Variants in SEMA3E observed in about 807,000 individuals in gnomAD.
The protein encoded by SEMA3E is semaphorin-3E.
A neutral mutation model predicts 93.6 loss-of-function variants in SEMA3E; 49 were observed. The observed-to-expected ratio is 0.52, with a 90% CI of 0.42 to 0.66. SEMA3E has a LOEUF of 0.66. Ranked by LOEUF, SEMA3E falls within the 30% of genes least tolerant of loss-of-function variation. SEMA3E has a pLI of 0.00. For missense variants in SEMA3E, 906 were observed against 964.8 expected (o/e 0.94, Z 0.81); for synonymous variants, 363 against 330.7 (o/e 1.10, Z -1.06).
intron 4 of SEMA3E, among the ~76,000 whole-genome samples, chr7:83,443,710 G>C (rs887259063): frequency 6.6e-6 from 1 of 151,886 alleles, no homozygotes; most frequent in African/African-American, 2.4e-5. Context: ...TTTCAATATT[G>C]ATTTTAAAAA....
At position 83,405,448 on chromosome 7, in the gene SEMA3E, A is replaced by T; in HGVS notation, c.998+2T>A. 1 of 1,607,954 alleles carries T rather than the reference A, an allele frequency of 6.2e-7. No homozygotes were observed. The highest frequency in any genetic ancestry group is 1.1e-5 in the South Asian group (1 of 90,938). On this transcript the variant is annotated splice_donor_variant, in intron 9 of 16. Coordinates refer to ENST00000643230, the MANE Select transcript of SEMA3E (RefSeq NM_012431.3). LOFTEE classifies it high-confidence loss of function. The stretch of plus-strand genomic sequence containing the variant: ...TTTTTATTGACTGTATAAATTTCTC[A>T]CCTGGTAGTGTTAAAGAGTCCAAAT...
At chr7:83,512,773 C>A (rs1172186488) in intron 1 of SEMA3E, among the ~76,000 whole-genome samples, 1 of 152,022 alleles carries the variant, frequency 6.6e-6, no homozygotes, top group Non-Finnish European at 1.5e-5. Context: ...TTGTGCCTGT[C>A]TTAATTTTGA....
At chr7:83,392,234 C>T (rs1183633329) in intron 14 of SEMA3E, among the ~76,000 whole-genome samples, 1 of 152,118 alleles carries the variant, frequency 6.6e-6, no homozygotes. Context: ...GGACATGGGG[C>T]AAATGCAGGA....
At chr7:83,415,795 G>T (rs1788527790) in intron 5 of SEMA3E, among the ~76,000 whole-genome samples, 1 of 151,862 alleles carries the variant, frequency 6.6e-6, no homozygotes, top group Admixed American at 6.6e-5. Context: ...CATTAAATTT[G>T]TCTTCATGTG....
chr7:83,447,709 G>T lies in SEMA3E; in HGVS notation c.456+18773C>A, dbSNP rs545957445. Among the ~76,000 whole-genome samples, 8 of 152,352 alleles carry T rather than the reference G, an allele frequency of 5.3e-5. No individual in the cohort carries two copies. The East Asian group carries it at 1.3e-3, about 26-fold the overall frequency. On this transcript the variant is annotated intron_variant, in intron 4 of 16. Transcript: ENST00000643230. ...AACATTGGAGGCATATCTCTCCAGT[G>T]ACATTACAGATACAGTTAGAATGGA...
At chr7:83,442,601 T>TC (rs1339968825) in intron 4 of SEMA3E, among the ~76,000 whole-genome samples, 1 of 152,190 alleles carries the variant, frequency 6.6e-6, no homozygotes, top group Admixed American at 6.5e-5. Flanking sequence ...TTTTCTCTTT[T>TC]CTTTTTTCTA....
chr7:83,459,878 A>G (rs954920054), intron 4 of SEMA3E, among the ~76,000 whole-genome samples: 1 of 152,102 alleles, frequency 6.6e-6, no homozygotes, highest in African/African-American at 2.4e-5. Context: ...CTCCTGGCTC[A>G]TCCTGGCTCA....
chr7:83,605,056 T>C (rs1036657761), intron 1 of SEMA3E, among the ~76,000 whole-genome samples: 1 of 152,054 alleles, frequency 6.6e-6, no homozygotes, highest in African/African-American at 2.4e-5. Context: ...GTTGATTCCA[T>C]GTCTTTGCTC....
At chr7:83,453,786 C>G (rs1463855586) in intron 4 of SEMA3E, among the ~76,000 whole-genome samples, 1 of 151,950 alleles carries the variant, frequency 6.6e-6, no homozygotes, top group African/African-American at 2.4e-5. Flanking sequence ...AAATTATAAT[C>G]TGGACATTTT....
At chr7:83,389,600 T>C (rs565486695) in intron 14 of SEMA3E, among the ~76,000 whole-genome samples, 1 of 143,648 alleles carries the variant, frequency 7.0e-6, no homozygotes, top group African/African-American at 2.5e-5. Flanking sequence ...TACACACATA[T>C]ATACACGTAT....
At chr7:83,369,140 A>G (rs1404267724) in intron 16 of SEMA3E, among the ~76,000 whole-genome samples, 1 of 152,238 alleles carries the variant, frequency 6.6e-6, no homozygotes, top group Non-Finnish European at 1.5e-5. Flanking sequence ...GGTGGTTCAC[A>G]GTATGCTGAC....
At chr7:83,551,821 T>C (rs1219390954) in intron 1 of SEMA3E, among the ~76,000 whole-genome samples, 4 of 152,126 alleles carry the variant, frequency 2.6e-5, no homozygotes, top group Non-Finnish European at 5.9e-5. Flanking sequence ...TTGCAGGACA[T>C]GTAGCAGCAT....
intron 1 of SEMA3E, among the ~76,000 whole-genome samples, chr7:83,511,286 T>G (rs995157215): frequency 4.7e-5 from 1 of 21,258 alleles, no homozygotes; most frequent in African/African-American, 1.3e-4. Flanking sequence ...CTTAAATATG[T>G]TTTTTTTTTT....
intron 1 of SEMA3E, among the ~76,000 whole-genome samples, chr7:83,587,658 G>A (rs1361363360): frequency 6.6e-6 from 1 of 151,848 alleles, no homozygotes; most frequent in Non-Finnish European, 1.5e-5. Context: ...AAAAAGTTGT[G>A]GATATATGGT....
chr7:83,450,815 C>T (rs1239364375), intron 4 of SEMA3E, among the ~76,000 whole-genome samples: 1 of 151,906 alleles, frequency 6.6e-6, no homozygotes, highest in Non-Finnish European at 1.5e-5. Context: ...GTTTTAAAGA[C>T]CAGAAAAGTA....
chr7:83,616,948 C>A (rs887779013), intron 1 of SEMA3E, among the ~76,000 whole-genome samples: 3 of 152,162 alleles, frequency 2.0e-5, no homozygotes, highest in Admixed American at 2.0e-4. Context: ...TGGTCTCGAA[C>A]TCCTGAACTC....
intron 1 of SEMA3E, among the ~76,000 whole-genome samples, chr7:83,494,109 A>G (rs952010911): frequency 6.6e-6 from 1 of 151,898 alleles, no homozygotes; most frequent in African/African-American, 2.4e-5. Context: ...AATATATCCG[A>G]TCAAATAAAC....
intron 1 of SEMA3E, among the ~76,000 whole-genome samples, chr7:83,496,925 C>T (rs1005760201): frequency 2.0e-5 from 3 of 152,146 alleles, no homozygotes; most frequent in South Asian, 2.1e-4. Context: ...GTGCTGACTC[C>T]GTTAAATGAA....
chr7:83,471,331 AG>A (rs1390103026), intron 2 of SEMA3E, among the ~76,000 whole-genome samples: 2 of 125,196 alleles, frequency 1.6e-5, no homozygotes, highest in African/African-American at 2.7e-5. Context: ...TTAAAAAAAA[AG>A]TGTTGAAATC....
Sources: gnomAD v4.1 joint callset for allele counts (sites outside exome capture counted in the v4.1 genomes callset) on GRCh38, gnomAD v4.1.1 for gene constraint, MANE v1.5 for transcripts, NCBI Gene and HGNC (gene_info 2026-07-23, HGNC 2026-07-21) for gene names.